Variants in DSCAM observed in about 807,000 individuals in gnomAD.
DSCAM encodes DS cell adhesion molecule.
In DSCAM, 47 loss-of-function variants were observed where a neutral mutation model predicts 217.7. That is an observed-to-expected ratio of 0.22 (90% CI 0.17 to 0.28). The LOEUF is 0.28. Among genes scored for constraint, DSCAM ranks in the 10% least tolerant of loss-of-function variants. The probability of loss-of-function intolerance (pLI) is 1.00; values close to 1 mark genes in which losing one functional copy is unlikely to be tolerated. For missense variants in DSCAM, 2,080 were observed against 2,618.3 expected (o/e 0.79, Z 4.49); for synonymous variants, 1,056 against 1,015.3 (o/e 1.04, Z -0.76).
At chr21:40,077,261 C>CTT (rs2089379197) in intron 26 of DSCAM, among the ~76,000 whole-genome samples, 1 of 152,158 alleles carries the variant, frequency 6.6e-6, no homozygotes, top group African/African-American at 2.4e-5. Flanking sequence ...AGCCCTGAGA[C>CTT]CCAGGCCAGA....
intron 1 of DSCAM, among the ~76,000 whole-genome samples, chr21:40,767,316 G>A (rs915759221): frequency 1.3e-5 from 2 of 152,100 alleles, no homozygotes; most frequent in Non-Finnish European, 2.9e-5. Context: ...AATTGGTGAC[G>A]TGAGAATTGG....
At chr21:40,464,992 G>A (rs1910136217) in intron 3 of DSCAM, among the ~76,000 whole-genome samples, 1 of 151,966 alleles carries the variant, frequency 6.6e-6, no homozygotes. Flanking sequence ...GCCTGCCTTG[G>A]CCTCCCGAAG....
At chr21:40,452,727 C>CTT (rs141779190) in intron 3 of DSCAM, among the ~76,000 whole-genome samples, 7 of 150,096 alleles carry the variant, frequency 4.7e-5, no homozygotes, top group Non-Finnish European at 7.4e-5. Context: ...GATTTAGTTG[C>CTT]TTTTTTTTTA....
intron 3 of DSCAM, among the ~76,000 whole-genome samples, chr21:40,522,198 A>G (rs116296041): frequency 2.0e-5 from 3 of 152,206 alleles, no homozygotes; most frequent in Admixed American, 6.5e-5. Flanking sequence ...AGTAAGGCCA[A>G]TATAAGCAGT....
At chr21:40,623,111 T>G (rs1768192535) in intron 3 of DSCAM, among the ~76,000 whole-genome samples, 1 of 152,198 alleles carries the variant, frequency 6.6e-6, no homozygotes, top group African/African-American at 2.4e-5. Flanking sequence ...AGAATGGATG[T>G]GAGATGTGTT....
chr21:40,080,088 T>C, intron 25 of DSCAM, 64 bp downstream of exon 25: 1 of 1,298,978 alleles, frequency 7.7e-7, no homozygotes, highest in Non-Finnish European at 1.1e-6. Flanking sequence ...CTTTTATGAT[T>C]CCAATCTCCT....
At chr21:40,237,658 A>G (rs912259948) in intron 11 of DSCAM, among the ~76,000 whole-genome samples, 2 of 152,360 alleles carry the variant, frequency 1.3e-5, no homozygotes, top group African/African-American at 4.8e-5. Flanking sequence ...TATTGTGAAC[A>G]GTGCTGCAAT....
chr21:40,352,803 T>C (rs2074646987), intron 5 of DSCAM, among the ~76,000 whole-genome samples: 1 of 152,184 alleles, frequency 6.6e-6, no homozygotes. Context: ...TGAGGGTGGT[T>C]GAGTAGATTA....
At chr21:40,355,591 C>T (rs905037380) in intron 4 of DSCAM, among the ~76,000 whole-genome samples, 1 of 152,230 alleles carries the variant, frequency 6.6e-6, no homozygotes, top group African/African-American at 2.4e-5. Flanking sequence ...ACCCTGCTCT[C>T]TCTTCTAATT....
chr21:40,651,447 G>A (rs1025725148), intron 3 of DSCAM, among the ~76,000 whole-genome samples: 12 of 152,154 alleles, frequency 7.9e-5, no homozygotes, highest in African/African-American at 2.9e-4. Context: ...CTGCTCCAAG[G>A]ATTGGGAAGT....
chr21:40,704,755 T>C (rs547524081), intron 2 of DSCAM, among the ~76,000 whole-genome samples: 25 of 152,230 alleles, frequency 1.6e-4, no homozygotes, highest in Middle Eastern at 3.4e-3. Flanking sequence ...CTAACACTTA[T>C]TAAAAAGATA....
At chr21:40,230,517 A>G (rs2091371923) in intron 11 of DSCAM, among the ~76,000 whole-genome samples, 1 of 151,810 alleles carries the variant, frequency 6.6e-6, no homozygotes, top group Non-Finnish European at 1.5e-5. Flanking sequence ...TTCTTTCTCT[A>G]GTTTTCTCAG....
intron 11 of DSCAM, among the ~76,000 whole-genome samples, chr21:40,234,367 A>G (rs2091407527): frequency 6.6e-6 from 1 of 152,216 alleles, no homozygotes; most frequent in Admixed American, 6.5e-5. Context: ...AATGGAAATC[A>G]TGGTCATGTC....
intron 20 of DSCAM, among the ~76,000 whole-genome samples, chr21:40,105,097 A>T (rs1279615288): frequency 3.3e-5 from 5 of 152,026 alleles, no homozygotes; most frequent in African/African-American, 1.2e-4. Flanking sequence ...ATTTTAGGGG[A>T]GTATATGCTT....
chr21:40,455,011 T>C (rs1473037318), intron 3 of DSCAM, among the ~76,000 whole-genome samples: 2 of 152,150 alleles, frequency 1.3e-5, no homozygotes, highest in East Asian at 1.9e-4. Context: ...TATCAGAAGG[T>C]ACTTCCCTGT....
chr21:40,504,987 T>C (rs961589513), intron 3 of DSCAM, among the ~76,000 whole-genome samples: 18 of 152,242 alleles, frequency 1.2e-4, no homozygotes, highest in Non-Finnish European at 2.4e-4. Context: ...TATGGTTCTC[T>C]GGTGCTATGT....
At chr21:40,729,912 C>T (rs1483140080) in intron 1 of DSCAM, among the ~76,000 whole-genome samples, 9 of 152,144 alleles carry the variant, frequency 5.9e-5, no homozygotes, top group Admixed American at 5.2e-4. Flanking sequence ...TGACAGTTTG[C>T]CTATCACACT....
intron 11 of DSCAM, among the ~76,000 whole-genome samples, chr21:40,272,110 G>A (rs938167180): frequency 1.3e-5 from 2 of 151,398 alleles, no homozygotes; most frequent in Non-Finnish European, 2.9e-5. Context: ...CATTCCCTGG[G>A]CCTCAAACAG....
At position 40,572,567 on chromosome 21, in the gene DSCAM, T is replaced by C. The variant is rs79350246; in HGVS notation, c.508+120243A>G. ...GAAAATAAAATGTTGAAAACTGACA[T>C]ACTATCCAACCACTATGCATCATAA... is the stretch of plus-strand genomic sequence containing the variant. On this transcript the variant is annotated intron_variant, in intron 3 of 32. Coordinates refer to ENST00000400454, the MANE Select transcript of DSCAM (RefSeq NM_001389.5). Among the ~76,000 whole-genome samples the C allele has an allele frequency of 9.2e-5, 14 of 152,268 alleles. No individual in the cohort carries two copies. In the South Asian group the frequency reaches 1.2e-3, roughly 14 times the overall value.
Sources: allele counts gnomAD v4.1 joint callset (sites outside exome capture counted in the v4.1 genomes callset), GRCh38; gene constraint gnomAD v4.1.1; transcripts MANE v1.5; gene names NCBI Gene and HGNC (gene_info 2026-07-23, HGNC 2026-07-21).